The following CADPS2 variants were observed in gnomAD, a reference collection of about 807,000 sequenced individuals.
CADPS2 encodes calcium-dependent secretion activator 2.
CADPS2 carries 93 observed loss-of-function variants against 172.5 expected under a neutral mutation model. That is an observed-to-expected ratio of 0.54 (90% confidence interval 0.46 to 0.64). CADPS2 has a LOEUF of 0.64. Among genes scored for constraint, CADPS2 ranks in the 30% least tolerant of loss-of-function variants. The pLI, the probability that CADPS2 is intolerant of heterozygous loss-of-function variation, is 0.00. For missense variants in CADPS2, 1,420 were observed against 1,565.9 expected (o/e 0.91, Z 1.57); for synonymous variants, 546 against 555.2 (o/e 0.98, Z 0.23).
At chr7:122,667,119 A>G (rs1046999355) in intron 2 of CADPS2, among the ~76,000 whole-genome samples, 3 of 152,194 alleles carry the variant, frequency 2.0e-5, no homozygotes, top group African/African-American at 7.2e-5. Flanking sequence ...CTCTGTCTTC[A>G]CAGTGCACTC....
chr7:122,790,397 TAAA>T (rs71531917), intron 1 of CADPS2, among the ~76,000 whole-genome samples: 6 of 117,064 alleles, frequency 5.1e-5, no homozygotes, highest in Admixed American at 9.1e-5. Context: ...ACAGCGTTTC[TAAA>T]AAAAAAAAAA....
Position 122,543,807 on chromosome 7 carries a change from GT to G in CADPS2, c.1475+10742del, listed in dbSNP as rs1247028082. The stretch of plus-strand genomic sequence containing the variant: ...TCAGACGATAATGTGTATCCACTAT[GT>G]TCTGAAGCATTTGGACTAAGTAATG... On this transcript the variant is annotated intron_variant, in intron 8 of 29. Transcript: ENST00000449022. Among the ~76,000 whole-genome samples, 3 of 152,210 alleles carry G rather than the reference GT, an allele frequency of 2.0e-5. No individual in the cohort carries two copies. In the East Asian group the frequency reaches 5.8e-4, roughly 29 times the overall value.
At chr7:122,539,348 G>T (rs1040493111) in intron 8 of CADPS2, among the ~76,000 whole-genome samples, 1 of 152,000 alleles carries the variant, frequency 6.6e-6, no homozygotes, top group African/African-American at 2.4e-5. Flanking sequence ...CCAGATGCTG[G>T]CCCCTTAATC....
intron 14 of CADPS2, among the ~76,000 whole-genome samples, chr7:122,466,565 G>A (rs912316192): frequency 1.3e-5 from 2 of 152,114 alleles, no homozygotes; most frequent in Non-Finnish European, 1.5e-5. Flanking sequence ...CCTGTTTGTG[G>A]TATGTTGTCA....
At chr7:122,670,383 G>C (rs1022965361) in intron 2 of CADPS2, among the ~76,000 whole-genome samples, 2 of 151,946 alleles carry the variant, frequency 1.3e-5, no homozygotes, top group African/African-American at 2.4e-5. Context: ...TTGGAGACCA[G>C]CCTGGGCAAA....
At chr7:122,381,697 T>C (rs2151379463) in intron 24 of CADPS2, among the ~76,000 whole-genome samples, 1 of 152,162 alleles carries the variant, frequency 6.6e-6, no homozygotes, top group South Asian at 2.1e-4. Context: ...CCGTAGATTG[T>C]TGCTTGCTTT....
intron 2 of CADPS2, chr7:122,702,074 C>T: frequency 9.3e-6 from 15 of 1,613,612 alleles, no homozygotes; most frequent in Non-Finnish European, 1.2e-5. Flanking sequence ...CTTTATTTGA[C>T]TTCGCCTCCT....
chr7:122,832,623 T>C, intron 1 of CADPS2, among the ~76,000 whole-genome samples: 1 of 152,224 alleles, frequency 6.6e-6, no homozygotes, highest in East Asian at 1.9e-4. Flanking sequence ...GGCAGTAATG[T>C]TGTCTGGCTT....
chr7:122,414,543 C>G (rs1440038283), intron 18 of CADPS2, among the ~76,000 whole-genome samples: 1 of 152,000 alleles, frequency 6.6e-6, no homozygotes, highest in Non-Finnish European at 1.5e-5. Flanking sequence ...AGCTGTGTTA[C>G]CAGCCTAGAA....
intron 2 of CADPS2, among the ~76,000 whole-genome samples, chr7:122,732,408 T>TA (rs2091735946): frequency 1.3e-5 from 2 of 150,702 alleles, no homozygotes; most frequent in East Asian, 1.9e-4. Context: ...AGGCTATTCA[T>TA]AAAAATCATT....
intron 2 of CADPS2, among the ~76,000 whole-genome samples, chr7:122,734,072 G>C (rs1336485489): frequency 6.6e-6 from 1 of 151,852 alleles, no homozygotes. Context: ...AACAGGTCTT[G>C]TATGGAACCT....
At chr7:122,667,590 C>T (rs2081313128) in intron 2 of CADPS2, among the ~76,000 whole-genome samples, 1 of 152,112 alleles carries the variant, frequency 6.6e-6, no homozygotes, top group African/African-American at 2.4e-5. Context: ...TCAGTCACAG[C>T]ACCTGAGAGA....
chr7:122,552,219 A>G (rs933486268), intron 8 of CADPS2, among the ~76,000 whole-genome samples: 3 of 152,194 alleles, frequency 2.0e-5, no homozygotes, highest in African/African-American at 7.2e-5. Flanking sequence ...ATTCTGCTAC[A>G]TAACACACTA....
intron 8 of CADPS2, among the ~76,000 whole-genome samples, chr7:122,522,329 G>A (rs562889775): frequency 1.7e-4 from 26 of 151,998 alleles, no homozygotes; most frequent in African/African-American, 5.5e-4. Flanking sequence ...TGCTCAGGCT[G>A]GTCTGGAACT....
At chr7:122,730,758 A>G (rs2091560791) in intron 2 of CADPS2, among the ~76,000 whole-genome samples, 1 of 151,594 alleles carries the variant, frequency 6.6e-6, no homozygotes, top group African/African-American at 2.4e-5. Flanking sequence ...ATAATGTACT[A>G]TTTTTAGAGC....
intron 5 of CADPS2, among the ~76,000 whole-genome samples, chr7:122,616,679 A>C (rs1409702382): frequency 6.6e-6 from 1 of 152,180 alleles, no homozygotes; most frequent in Non-Finnish European, 1.5e-5. Flanking sequence ...TTAATGGAGA[A>C]TTGATAGAGA....
chr7:122,691,228 G>C (rs1388635045), intron 2 of CADPS2, among the ~76,000 whole-genome samples: 3 of 152,100 alleles, frequency 2.0e-5, no homozygotes, highest in Non-Finnish European at 4.4e-5. Flanking sequence ...TTATGAGCCT[G>C]ATGGGCAGCA....
At chr7:122,608,624 C>T (rs562777082) in intron 6 of CADPS2, among the ~76,000 whole-genome samples, 2 of 152,116 alleles carry the variant, frequency 1.3e-5, no homozygotes, top group Non-Finnish European at 2.9e-5. Context: ...TAATGACACA[C>T]AATTCATTAG....
intron 1 of CADPS2, among the ~76,000 whole-genome samples, chr7:122,805,675 G>A (rs1798644603): frequency 6.6e-6 from 1 of 152,124 alleles, no homozygotes; most frequent in South Asian, 2.1e-4. Flanking sequence ...CCAGGTATCA[G>A]GAGAAGCCAC....
Sources: allele counts gnomAD v4.1 joint callset (sites outside exome capture counted in the v4.1 genomes callset), GRCh38; gene constraint gnomAD v4.1.1; transcripts MANE v1.5; gene names NCBI Gene and HGNC (gene_info 2026-07-23, HGNC 2026-07-21).